Variants in PPP4R3B observed in about 807,000 individuals in gnomAD.
PPP4R3B encodes serine/threonine-protein phosphatase 4 regulatory subunit 3B.
Under a neutral mutation model 95.4 loss-of-function variants are expected in PPP4R3B, and 52 were observed. That is an observed-to-expected ratio of 0.54 (90% CI 0.44 to 0.69). The LOEUF (loss-of-function observed/expected upper bound fraction) is 0.69. Ranked by LOEUF, PPP4R3B falls within the 30% of genes least tolerant of loss-of-function variation. The pLI, the probability that PPP4R3B is intolerant of heterozygous loss-of-function variation, is 0.00. For missense variants in PPP4R3B, 1,003 were observed against 1,005.9 expected (o/e 1.00, Z 0.04); for synonymous variants, 407 against 343.9 (o/e 1.18, Z -2.03).
At chr2:55,574,601 T>C (rs1229072191) in intron 11 of PPP4R3B, among the ~76,000 whole-genome samples, 1 of 151,844 alleles carries the variant, frequency 6.6e-6, no homozygotes, top group East Asian at 1.9e-4. Flanking sequence ...AAGATTCTTT[T>C]TTTTTTTTTT....
intron 16 of PPP4R3B, among the ~76,000 whole-genome samples, chr2:55,556,265 C>T (rs1685833441): frequency 6.6e-6 from 1 of 152,160 alleles, no homozygotes; most frequent in Admixed American, 6.5e-5. Flanking sequence ...CTGTTTTTAT[C>T]CCTATCTCTA....
chr2:55,549,527 G>C lies in PPP4R3B; in HGVS notation c.*384C>G, dbSNP rs1191168079. On this transcript the variant is annotated 3_prime_UTR_variant, in exon 17 of 17. Transcript: ENST00000616407. Reference sequence around the variant, plus strand: ...ACCATTATACAAGTAATGTTATTGAGTTTACAACTGAAGTTCTGTAAAATT... The same window carrying C: ...ACCATTATACAAGTAATGTTATTGACTTTACAACTGAAGTTCTGTAAAATT... 5.7e-6 allele frequency: 1 copy of C among 174,760 alleles called. No individual in the cohort carries two copies. The highest frequency in any genetic ancestry group is 1.7e-4 in the East Asian group (1 of 5,784). 10.8% of individuals were successfully genotyped at this position (174,760 alleles called of 1,614,324 possible).
At chr2:55,558,670 A>G in intron 16 of PPP4R3B, 105 bp downstream of exon 16, 2 of 796,390 alleles carry the variant, frequency 2.5e-6, no homozygotes, top group Non-Finnish European at 4.0e-6. Flanking sequence ...AAAATTCTAA[A>G]CAATTCATTG....
intron 13 of PPP4R3B, chr2:55,567,950 T>C (rs1029037262): frequency 6.0e-5 from 13 of 217,134 alleles, no homozygotes; most frequent in Admixed American, 2.9e-4. Flanking sequence ...TTAAAAATAT[T>C]AGCGTTAAAA....
rs1232677279 is a variant in PPP4R3B at position 55,558,946 on chromosome 2, T to A, written c.2283A>T (p.Glu761Asp). 1.2e-6 allele frequency: 2 copies of A among 1,609,074 alleles called. No individual in the cohort carries two copies. The highest frequency in any genetic ancestry group is 1.7e-6 in the Non-Finnish European group (2 of 1,178,340). Residue 761 changes from glutamate (E) to aspartate (D), a missense_variant, in exon 16 of 17, where the codon GAA becomes GAT. By Grantham distance (45) the Glu-to-Asp change is conservative. Around this residue, in one of 3 missense-constraint regions of PPP4R3B, gnomAD observed 229 missense variants for 194.7 expected, o/e 1.18. Transcript: ENST00000616407. ...CAGGAGATGTCCTTTTGGGAAGGTT[T>A]TCCTTGTCTTCACTTTCTTTTGCTA... ...TKKAKESEDK[E>D]NLPKRTSPGG...
At position 55,596,651 on chromosome 2, in the gene PPP4R3B, G is replaced by C. The variant is rs1246319942; in HGVS notation, c.921+1765C>G. 4.6e-5 allele frequency among the ~76,000 whole-genome samples: 7 copies of C among 152,196 alleles called. No homozygotes were observed. In the East Asian group the frequency reaches 1.3e-3, roughly 29 times the overall value. Reference sequence around the variant, plus strand: ...ACTACTGGCGAGTATTCACAGGACAGACAGGAAAAGGGTTAAATATAGCTG... The same window carrying C: ...ACTACTGGCGAGTATTCACAGGACACACAGGAAAAGGGTTAAATATAGCTG... On this transcript the variant is annotated intron_variant, in intron 4 of 16. Coordinates refer to ENST00000616407, the MANE Select transcript of PPP4R3B (RefSeq NM_001122964.3).
rs3748946 is a variant in PPP4R3B, at chr2:55,586,542, T to C, written c.1116+76A>G. ...CTATAGAATTGAATATACATTATTA[T>C]ATATTTTCCCATCCATAACATAAGT... On this transcript the variant is annotated intron_variant, in intron 6 of 16. Transcript: ENST00000616407. 347 of 777,944 alleles carry C rather than the reference T, an allele frequency of 4.5e-4. 4 individuals carry two copies. In the East Asian group the frequency reaches 7.9e-3, roughly 18 times the overall value. 48.2% of individuals were successfully genotyped at this position (777,944 alleles called of 1,614,324 possible).
In PPP4R3B at chr2:55,547,755, C is replaced by T. The variant is rs1684868386; in HGVS notation, c.*2156G>A. ...TGGCCAAGATGGTGAAACCCCGTCT[C>T]TACTGAAAATACAAAAATTAGCCTG... is the stretch of plus-strand genomic sequence containing the variant. On this transcript the variant is annotated 3_prime_UTR_variant, in exon 17 of 17. Coordinates refer to ENST00000616407, the MANE Select transcript of PPP4R3B (RefSeq NM_001122964.3). 6.6e-6 allele frequency: 1 copy of T among 152,156 alleles called. No homozygotes were observed. Among genetic ancestry groups the T allele is most frequent in the Non-Finnish European group, 1.5e-5 (1 of 68,066 alleles). 9.4% of individuals were successfully genotyped at this position (152,156 alleles called of 1,614,324 possible).
intron 4 of PPP4R3B, chr2:55,591,538 C>G: frequency 1.0e-6 from 1 of 983,898 alleles, no homozygotes; most frequent in Non-Finnish European, 1.2e-6. Flanking sequence ...TTCTATTTTC[C>G]TGCATCTGTT....
intron 16 of PPP4R3B, among the ~76,000 whole-genome samples, chr2:55,553,960 T>C (rs374094458): frequency 1.3e-5 from 2 of 152,210 alleles, no homozygotes; most frequent in East Asian, 3.9e-4. Flanking sequence ...TTTCTTACAA[T>C]ATATACCTAG....
intron 2 of PPP4R3B, among the ~76,000 whole-genome samples, chr2:55,607,130 T>TA (rs1413384986): frequency 2.0e-5 from 3 of 152,098 alleles, no homozygotes; most frequent in Non-Finnish European, 4.4e-5. Context: ...ACTATAGAAA[T>TA]AAAAAAACAG....
intron 16 of PPP4R3B, among the ~76,000 whole-genome samples, chr2:55,556,629 A>AC (rs1685875744): frequency 7.0e-6 from 1 of 143,482 alleles, no homozygotes; most frequent in African/African-American, 2.9e-5. Flanking sequence ...TATTACTTTG[A>AC]TTTAAAAAAA....
intron 3 of PPP4R3B, among the ~76,000 whole-genome samples, chr2:55,601,136 T>C (rs1392760894): frequency 2.4e-5 from 2 of 84,674 alleles, no homozygotes; most frequent in Admixed American, 1.5e-4. Context: ...AGCCAGACCA[T>C]GTCTCAAAAA....
Position 55,549,666 on chromosome 2 carries a change from G to A in PPP4R3B, c.*245C>T, listed in dbSNP as rs761493900. On this transcript the variant is annotated 3_prime_UTR_variant, in exon 17 of 17. Transcript: ENST00000616407. ...TCCTTGCTGAGAAGCTGTCTCCCAG[G>A]TTCTGGTTACTAATGTTTGTTTTGA... 12 of 437,602 alleles carry A rather than the reference G, an allele frequency of 2.7e-5. No homozygotes were observed. The highest frequency in any genetic ancestry group is 4.8e-5 in the Non-Finnish European group (12 of 248,316). The allele number at this position is 437,602 out of a possible 1,614,324, so 27.1% of individuals were successfully genotyped here. A position where few individuals can be genotyped will look rare whatever the true frequency, so the allele number is the denominator to read the frequency against.
chr2:55,606,407 GA>G lies in PPP4R3B; in HGVS notation c.199-2332del, dbSNP rs568183240. Among the ~76,000 whole-genome samples, 754 of 152,164 alleles carry G rather than the reference GA, an allele frequency of 5.0e-3. 3 individuals carry two copies. The highest frequency in any genetic ancestry group is 0.01 in the Middle Eastern group (3 of 294). On this transcript the variant is annotated intron_variant, in intron 2 of 16. Coordinates refer to ENST00000616407, the MANE Select transcript of PPP4R3B (RefSeq NM_001122964.3). ...CCATATTTAAAATTATCCTTTGGTA[GA>G]ATGCAATGGCTCAAGTCTGTAATCT...
intron 2 of PPP4R3B, among the ~76,000 whole-genome samples, chr2:55,611,821 G>A (rs1335283780): frequency 6.6e-6 from 1 of 151,824 alleles, no homozygotes; most frequent in Non-Finnish European, 1.5e-5. Flanking sequence ...CTCGACCTCC[G>A]AAGCTCAAAT....
chr2:55,577,174 G>A (rs1688796867), intron 11 of PPP4R3B, 141 bp downstream of exon 11: 2 of 1,056,078 alleles, frequency 1.9e-6, no homozygotes, highest in South Asian at 4.5e-5. Context: ...GGAGATAGTG[G>A]AATTACAAAA....
chr2:55,560,254 C>T (rs1234397090), intron 15 of PPP4R3B, among the ~76,000 whole-genome samples: 2 of 152,214 alleles, frequency 1.3e-5, no homozygotes, highest in Non-Finnish European at 2.9e-5. Flanking sequence ...GACTTGTTGA[C>T]TGGTTTTGAC....
intron 16 of PPP4R3B, among the ~76,000 whole-genome samples, chr2:55,556,233 G>A (rs1379911097): frequency 6.6e-6 from 1 of 152,192 alleles, no homozygotes; most frequent in Non-Finnish European, 1.5e-5. Context: ...TACAGTGATA[G>A]AGCAACTGTT....
Sources: allele counts gnomAD v4.1 joint callset (sites outside exome capture counted in the v4.1 genomes callset), GRCh38; gene constraint gnomAD v4.1.1; regional missense constraint gnomAD v4.1.1; transcripts MANE v1.5; gene names NCBI Gene and HGNC (gene_info 2026-07-23, HGNC 2026-07-21).